The following LINGO2 variants were observed in gnomAD, a reference collection of about 807,000 sequenced individuals.
LINGO2 encodes leucine rich repeat and Ig domain containing 2, also known as leucine-rich repeat and immunoglobulin-like domain-containing nogo receptor-interacting protein 2.
In LINGO2, 14 loss-of-function variants were observed where a neutral mutation model predicts 30.6. The ratio of observed to expected loss-of-function variants is 0.46; its 90% CI spans 0.30 to 0.72. The LOEUF is 0.72. Among genes scored for constraint, LINGO2 ranks in the 30% least tolerant of loss-of-function variants. The pLI, the probability that LINGO2 is intolerant of heterozygous loss-of-function variation, is 0.07. For synonymous variants in LINGO2, 317 were observed against 288.5 expected, an observed-to-expected ratio of 1.10 and a Z score of -1.00; for missense variants, 729 against 751.7, an observed-to-expected ratio of 0.97 and a Z score of 0.35.
chr9:28,435,658 A>T (rs10968599), intron 2 of LINGO2, among the ~76,000 whole-genome samples: 1 of 152,344 alleles, frequency 6.6e-6, no homozygotes, highest in East Asian at 1.9e-4. Context: ...CATGATCTTC[A>T]GTCCTGATGG....
chr9:28,868,245 A>G, the LINGO2 span, among the ~76,000 whole-genome samples: 30,240 of 151,948 alleles, frequency 0.2, 5,534 homozygotes, highest in African/African-American at 0.49. Flanking sequence ...CTCATTGATG[A>G]CATTTGATTT....
intron 1 of LINGO2, among the ~76,000 whole-genome samples, chr9:28,669,903 G>A (rs1828948562): frequency 6.6e-6 from 1 of 151,930 alleles, no homozygotes; most frequent in Admixed American, 6.6e-5. Flanking sequence ...GGATAAAAAT[G>A]ACATTAAGCA....
At chr9:28,043,721 G>GT (rs775579617) in intron 4 of LINGO2, among the ~76,000 whole-genome samples, 4 of 151,914 alleles carry the variant, frequency 2.6e-5, no homozygotes, top group Non-Finnish European at 5.9e-5. Context: ...CACCTTTCTT[G>GT]TCCCCACCCA....
chr9:28,074,207 G>A (rs1825559910), intron 4 of LINGO2, among the ~76,000 whole-genome samples: 1 of 152,132 alleles, frequency 6.6e-6, no homozygotes, highest in Non-Finnish European at 1.5e-5. Context: ...GTCATCTATT[G>A]TAAGACCAAC....
chr9:29,011,018 G>C, the LINGO2 span, among the ~76,000 whole-genome samples: 8 of 152,150 alleles, frequency 5.3e-5, no homozygotes, highest in African/African-American at 1.9e-4. Context: ...AAGCTTCAAT[G>C]TCTTCATCTG....
the LINGO2 span, among the ~76,000 whole-genome samples, chr9:28,908,818 T>C: frequency 6.6e-6 from 1 of 151,954 alleles, no homozygotes; most frequent in Non-Finnish European, 1.5e-5. Flanking sequence ...TTTGCTACAA[T>C]GAAATTCAAA....
intron 2 of LINGO2, among the ~76,000 whole-genome samples, chr9:28,380,349 A>G (rs868213488): frequency 6.6e-6 from 1 of 151,312 alleles, no homozygotes; most frequent in Non-Finnish European, 1.5e-5. Context: ...AATAGAGGAC[A>G]TCGTAGAGGG....
the LINGO2 span, among the ~76,000 whole-genome samples, chr9:29,061,937 TC>T: frequency 6.6e-6 from 1 of 151,958 alleles, no homozygotes; most frequent in African/African-American, 2.4e-5. Flanking sequence ...TGATAGGAGA[TC>T]ATTATACAGA....
chr9:28,806,828 G>A, the LINGO2 span, among the ~76,000 whole-genome samples: 295 of 152,096 alleles, frequency 1.9e-3, 1 homozygote, highest in African/African-American at 6.9e-3. Flanking sequence ...CTAGCCTCCT[G>A]TAAAGTCCTT....
the LINGO2 span, among the ~76,000 whole-genome samples, chr9:28,814,279 A>T: frequency 1.6e-4 from 25 of 152,260 alleles, no homozygotes; most frequent in African/African-American, 4.1e-4. Flanking sequence ...TCTACTAAAA[A>T]TACAAAAATT....
the LINGO2 span, among the ~76,000 whole-genome samples, chr9:28,855,998 A>G: frequency 6.6e-6 from 1 of 152,010 alleles, no homozygotes; most frequent in East Asian, 1.9e-4. Context: ...AAGCAAGATA[A>G]CTGGGAGGCA....
At chr9:28,230,446 A>AT (rs1157567692) in intron 4 of LINGO2, among the ~76,000 whole-genome samples, 1 of 151,860 alleles carries the variant, frequency 6.6e-6, no homozygotes, top group Non-Finnish European at 1.5e-5. Flanking sequence ...TTGGCTTAAT[A>AT]GTTTATGTTT....
the LINGO2 span, among the ~76,000 whole-genome samples, chr9:29,208,868 T>C: frequency 1.2e-4 from 19 of 152,136 alleles, no homozygotes; most frequent in Non-Finnish European, 2.6e-4. Flanking sequence ...TCATGCTGCC[T>C]CCCAGTGGCA....
intron 4 of LINGO2, among the ~76,000 whole-genome samples, chr9:28,068,527 A>G (rs1825380157): frequency 6.6e-6 from 1 of 152,216 alleles, no homozygotes; most frequent in Non-Finnish European, 1.5e-5. Flanking sequence ...TTTGGGAGAC[A>G]CCAACATTTA....
chr9:29,182,988 T>C, the LINGO2 span, among the ~76,000 whole-genome samples: 1 of 152,056 alleles, frequency 6.6e-6, no homozygotes, highest in African/African-American at 2.4e-5. Context: ...AAGAAATCCA[T>C]GACAGAAATA....
chr9:28,721,076 T>A, the LINGO2 span, among the ~76,000 whole-genome samples: 1 of 152,068 alleles, frequency 6.6e-6, no homozygotes, highest in Non-Finnish European at 1.5e-5. Context: ...AAAAAGCTCA[T>A]CATCACTGGA....
intron 2 of LINGO2, among the ~76,000 whole-genome samples, chr9:28,461,079 T>C (rs759780193): frequency 3.9e-5 from 6 of 152,172 alleles, no homozygotes; most frequent in Non-Finnish European, 7.3e-5. Flanking sequence ...GTCTTTTTCT[T>C]TTCTTATATG....
intron 4 of LINGO2, among the ~76,000 whole-genome samples, chr9:28,235,614 G>A (rs1400613897): frequency 6.6e-6 from 1 of 152,150 alleles, no homozygotes; most frequent in Non-Finnish European, 1.5e-5. Flanking sequence ...ACGAAATTCA[G>A]AATTCTACCA....
chr9:28,322,713 G>T (rs903796462), intron 3 of LINGO2, among the ~76,000 whole-genome samples: 8 of 152,072 alleles, frequency 5.3e-5, no homozygotes, highest in Non-Finnish European at 8.8e-5. Flanking sequence ...TGGACGTAAA[G>T]ATGCTTTTCT....
Sources: allele counts gnomAD v4.1 joint callset (sites outside exome capture counted in the v4.1 genomes callset), GRCh38; gene constraint gnomAD v4.1.1; transcripts MANE v1.5; gene names NCBI Gene and HGNC (gene_info 2026-07-23, HGNC 2026-07-21).